The following PIP4P2 variants were observed in gnomAD, a reference collection of about 807,000 sequenced individuals.
PIP4P2 encodes type 2 phosphatidylinositol 4,5-bisphosphate 4-phosphatase.
In PIP4P2, 19 loss-of-function variants were observed where a neutral mutation model predicts 33.3. That is an observed-to-expected ratio of 0.57 (90% CI 0.40 to 0.84). The LOEUF (loss-of-function observed/expected upper bound fraction) is 0.84, where lower values mean the gene tolerates loss of function less well. Among genes scored for constraint, PIP4P2 ranks in the 40% least tolerant of loss-of-function variants. The probability of loss-of-function intolerance (pLI) is 0.00; values close to 1 mark genes in which losing one functional copy is unlikely to be tolerated. For synonymous variants in PIP4P2, 110 were observed against 111.9 expected (o/e 0.98, Z 0.11); for missense variants, 270 against 324.7 (o/e 0.83, Z 1.29).
At chr8:91,011,473 G>A (rs1432133239) in intron 4 of PIP4P2, among the ~76,000 whole-genome samples, 1 of 152,008 alleles carries the variant, frequency 6.6e-6, no homozygotes, top group Non-Finnish European at 1.5e-5. Flanking sequence ...TCACCACTCA[G>A]GCTAGATGAT....
intron 5 of PIP4P2, among the ~76,000 whole-genome samples, chr8:90,998,991 A>T (rs1471874790): frequency 6.6e-6 from 1 of 152,154 alleles, no homozygotes; most frequent in African/African-American, 2.4e-5. Flanking sequence ...CAGACAACCT[A>T]CAGAATGGGA....
In PIP4P2 at chr8:91,040,641, T is replaced by C; in HGVS notation, c.106+3A>G. On this transcript the variant is annotated splice_donor_region_variant and intron_variant, in intron 1 of 6. Transcript: ENST00000285419. ...AAAGTAGAGGGATCTACGCTGGCCT[T>C]ACCTCTGGGGCTGCTTTCTTGCAAG... 5 of 1,613,744 alleles carry C rather than the reference T, an allele frequency of 3.1e-6. No individual in the cohort carries two copies. The highest frequency in any genetic ancestry group is 3.4e-6 in the Non-Finnish European group (4 of 1,180,008).
At chr8:91,029,568 T>G (rs1489562768) in intron 1 of PIP4P2, among the ~76,000 whole-genome samples, 1 of 152,152 alleles carries the variant, frequency 6.6e-6, no homozygotes, top group Non-Finnish European at 1.5e-5. Flanking sequence ...CTATCATTCA[T>G]TCATACAATC....
At chr8:91,016,196 G>A (rs916593876) in intron 4 of PIP4P2, among the ~76,000 whole-genome samples, 1 of 151,984 alleles carries the variant, frequency 6.6e-6, no homozygotes, top group Admixed American at 6.6e-5. Context: ...ACAAACAAAG[G>A]CTCCTAGAAA....
At chr8:91,028,396 T>C (rs1812111959) in intron 1 of PIP4P2, among the ~76,000 whole-genome samples, 1 of 152,198 alleles carries the variant, frequency 6.6e-6, no homozygotes, top group African/African-American at 2.4e-5. Context: ...CAAGACTGTG[T>C]ACTGGGGAAA....
chr8:91,030,417 TAC>T (rs1255368070), intron 1 of PIP4P2, among the ~76,000 whole-genome samples: 2 of 152,164 alleles, frequency 1.3e-5, no homozygotes, highest in Non-Finnish European at 2.9e-5. Flanking sequence ...CAAGGACCTA[TAC>T]AGAGATGTGG....
intron 5 of PIP4P2, among the ~76,000 whole-genome samples, chr8:91,004,009 AGAT>A (rs1811735195): frequency 6.8e-6 from 1 of 146,266 alleles, no homozygotes. Flanking sequence ...ATAGATAGAT[AGAT>A]GAAATAGATA....
chr8:90,995,044 C>T lies in PIP4P2; in HGVS notation c.*633G>A, dbSNP rs766999325. 8 of 152,312 alleles carry T rather than the reference C, an allele frequency of 5.3e-5. No individual in the cohort carries two copies. Among genetic ancestry groups the T allele is most frequent in the Non-Finnish European group, 1.2e-4 (8 of 67,948 alleles). 9.4% of individuals were successfully genotyped at this position (152,312 alleles called of 1,614,324 possible). ...CTCCAACTGTGGACAAATAAATATT[C>T]GTTCTTGTATTTTAAATTACTACCA... On this transcript the variant is annotated 3_prime_UTR_variant, in exon 7 of 7. Transcript: ENST00000285419.
At chr8:91,003,996 TA>T (rs1326443070) in intron 5 of PIP4P2, among the ~76,000 whole-genome samples, 2 of 151,798 alleles carry the variant, frequency 1.3e-5, no homozygotes, top group Non-Finnish European at 2.9e-5. Context: ...GATAGATAGA[TA>T]GATAGATAGA....
chr8:91,006,837 C>A (rs573797095), intron 5 of PIP4P2, among the ~76,000 whole-genome samples: 13 of 152,236 alleles, frequency 8.5e-5, no homozygotes, highest in African/African-American at 2.9e-4. Context: ...GGCGTGGTGG[C>A]GTGTGCCTAT....
At chr8:91,036,940 C>T (rs1812239139) in intron 1 of PIP4P2, among the ~76,000 whole-genome samples, 2 of 152,132 alleles carry the variant, frequency 1.3e-5, no homozygotes, top group Admixed American at 6.6e-5. Flanking sequence ...GGTCAGGCAT[C>T]TTTCTCTCTA....
At chr8:91,019,018 C>T (rs148439890) in intron 3 of PIP4P2, among the ~76,000 whole-genome samples, 150 of 152,056 alleles carry the variant, frequency 9.9e-4, no homozygotes, top group Non-Finnish European at 1.9e-3. Flanking sequence ...TCTAGTCTAT[C>T]ATTGGATAGG....
At chr8:91,020,310 G>C (rs1586181794) in intron 2 of PIP4P2, 47 bp from the exon 3 acceptor site, 2 of 1,544,304 alleles carry the variant, frequency 1.3e-6, no homozygotes, top group East Asian at 4.5e-5. Flanking sequence ...CCAAAGTACA[G>C]ATTGTCAAAG....
intron 4 of PIP4P2, among the ~76,000 whole-genome samples, chr8:91,017,561 A>G (rs1323520313): frequency 2.0e-5 from 3 of 152,168 alleles, no homozygotes; most frequent in South Asian, 4.1e-4. Context: ...ATTTAGAACT[A>G]TATACATAAA....
At chr8:91,040,411 A>T (rs1812288406) in intron 1 of PIP4P2, among the ~76,000 whole-genome samples, 2 of 121,426 alleles carry the variant, frequency 1.6e-5, no homozygotes, top group Non-Finnish European at 4.0e-5. Flanking sequence ...CACCACCACC[A>T]CCACCATCAC....
intron 5 of PIP4P2, among the ~76,000 whole-genome samples, chr8:91,007,269 AAG>A (rs1190943214): frequency 6.6e-6 from 1 of 152,226 alleles, no homozygotes; most frequent in East Asian, 1.9e-4. Flanking sequence ...ACAAATAAAA[AAG>A]AAACTATTTT....
chr8:91,022,223 C>G (rs1330975990), intron 1 of PIP4P2, among the ~76,000 whole-genome samples: 1 of 152,052 alleles, frequency 6.6e-6, no homozygotes, highest in East Asian at 1.9e-4. Context: ...CATGGAAGGT[C>G]ATAGTTTCAC....
chr8:91,034,573 C>T (rs1055655923), intron 1 of PIP4P2, among the ~76,000 whole-genome samples: 2 of 152,172 alleles, frequency 1.3e-5, no homozygotes, highest in Non-Finnish European at 2.9e-5. Context: ...TCATATTTGC[C>T]AAGGCCCTGC....
At chr8:91,014,645 G>A (rs973334503) in intron 4 of PIP4P2, among the ~76,000 whole-genome samples, 1 of 151,976 alleles carries the variant, frequency 6.6e-6, no homozygotes, top group African/African-American at 2.4e-5. Context: ...CAGTTAGGCA[G>A]GCTGAATAAT....
Sources: allele counts gnomAD v4.1 joint callset (sites outside exome capture counted in the v4.1 genomes callset), GRCh38; gene constraint gnomAD v4.1.1; transcripts MANE v1.5; gene names NCBI Gene and HGNC (gene_info 2026-07-23, HGNC 2026-07-21).